Variants in PBX1 observed in about 807,000 individuals in gnomAD.
PBX1 encodes pre-B-cell leukemia transcription factor 1.
Under a neutral mutation model 53.4 loss-of-function variants are expected in PBX1, and 6 were observed. The ratio of observed to expected loss-of-function variants is 0.11; its 90% CI spans 0.06 to 0.22. The LOEUF (loss-of-function observed/expected upper bound fraction) is 0.22, where lower values mean the gene tolerates loss of function less well. Ranked by LOEUF, PBX1 falls within the 10% of genes least tolerant of loss-of-function variation. The probability of loss-of-function intolerance (pLI) is 1.00; values close to 1 mark genes in which losing one functional copy is unlikely to be tolerated. For missense variants in PBX1, 251 were observed against 551.4 expected (o/e 0.46, Z 5.46); for synonymous variants, 204 against 212.3 (o/e 0.96, Z 0.34).
chr1:164,866,708 A>G (rs1362681886), intron 2 of PBX1, among the ~76,000 whole-genome samples: 9 of 152,224 alleles, frequency 5.9e-5, no homozygotes, highest in African/African-American at 2.2e-4. Flanking sequence ...GTTGTTGATT[A>G]TTTTATTATC....
At chr1:164,624,182 A>G (rs1291267711) in intron 2 of PBX1, among the ~76,000 whole-genome samples, 2 of 152,214 alleles carry the variant, frequency 1.3e-5, no homozygotes, top group Non-Finnish European at 2.9e-5. Context: ...TCATACTGGT[A>G]TATCTTTGTT....
At chr1:164,640,556 G>GTTTTTTTTTTTTTTTTTTT (rs1272033438) in intron 2 of PBX1, among the ~76,000 whole-genome samples, 1 of 30,680 alleles carries the variant, frequency 3.3e-5, no homozygotes, top group African/African-American at 6.2e-5. Flanking sequence ...TTTTTTTTTT[G>GTTTTTTTTTTTTTTTTTTT]TGTTTTTTTT....
chr1:164,704,172 A>G (rs1663291601), intron 2 of PBX1, among the ~76,000 whole-genome samples: 2 of 152,236 alleles, frequency 1.3e-5, no homozygotes, highest in South Asian at 4.1e-4. Context: ...AAGGTGTCAT[A>G]TACAAGAAGG....
chr1:164,708,376 C>CT (rs972501394), intron 2 of PBX1, among the ~76,000 whole-genome samples: 225 of 22,902 alleles, frequency 9.8e-3, no homozygotes, highest in Non-Finnish European at 0.029. Context: ...CATATATAGT[C>CT]TTTTTTTAAA....
At chr1:164,688,349 A>T (rs1003548791) in intron 2 of PBX1, among the ~76,000 whole-genome samples, 1 of 152,214 alleles carries the variant, frequency 6.6e-6, no homozygotes, top group Non-Finnish European at 1.5e-5. Context: ...GTACAGATCA[A>T]TTACAACTTG....
chr1:164,611,753 C>T (rs1656949815), intron 2 of PBX1, among the ~76,000 whole-genome samples: 2 of 152,134 alleles, frequency 1.3e-5, no homozygotes, highest in Non-Finnish European at 2.9e-5. Context: ...GGGTGACATA[C>T]CCCACAGGAA....
At chr1:164,569,860 G>GT (rs1653724086) in intron 2 of PBX1, among the ~76,000 whole-genome samples, 1 of 152,078 alleles carries the variant, frequency 6.6e-6, no homozygotes, top group Admixed American at 6.6e-5. Context: ...GCCTGGCCCT[G>GT]TTTCCCTTGC....
rs570919771 is a variant in PBX1, at chr1:164,883,742, G to A, written n.258-15446G>A. Among the ~76,000 whole-genome samples the A allele has an allele frequency of 5.9e-5, 9 of 152,242 alleles. No homozygotes were observed. In the South Asian group the frequency reaches 1.7e-3, roughly 28 times the overall value. ...CACCTTCCCCTTCTGTAATGAATAG[G>A]AGTAATGCTTCATGTCTTTGAGCTC... On this transcript the variant is annotated intron_variant and non_coding_transcript_variant, in intron 2 of 2. Transcript: ENST00000558796.
chr1:164,578,936 G>T (rs1654433525), intron 2 of PBX1, among the ~76,000 whole-genome samples: 1 of 151,782 alleles, frequency 6.6e-6, no homozygotes, highest in Non-Finnish European at 1.5e-5. Flanking sequence ...CTCTACTGGG[G>T]CCTACCCACC....
At chr1:164,853,810 T>C (rs1226189424), downstream of PBX1, among the ~76,000 whole-genome samples, 2 of 152,078 alleles carry the variant, frequency 1.3e-5, no homozygotes, top group Admixed American at 6.5e-5. Context: ...AAAGTGTAGG[T>C]CTAACCCCTT....
At chr1:164,604,442 G>T (rs6683789) in intron 2 of PBX1, among the ~76,000 whole-genome samples, 9,801 of 152,174 alleles carry the variant, frequency 0.064, 829 homozygotes, top group East Asian at 0.39. Flanking sequence ...ATTCATTTGT[G>T]CATTCAGCAG....
intron 2 of PBX1, among the ~76,000 whole-genome samples, chr1:164,766,970 C>T (rs573977020): frequency 1.8e-4 from 28 of 151,834 alleles, no homozygotes; most frequent in African/African-American, 4.3e-4. Flanking sequence ...CCTCGTGATC[C>T]GCCCGCCTCA....
At chr1:164,811,959 A>C in intron 5 of PBX1, 31 bp from the exon 6 acceptor site, 2 of 1,583,166 alleles carry the variant, frequency 1.3e-6, no homozygotes, top group Non-Finnish European at 1.7e-6. Context: ...ATGAAATGTG[A>C]ACTTTCTCAT....
intron 8 of PBX1, among the ~76,000 whole-genome samples, chr1:164,844,373 CCTGT>C (rs924473550): frequency 2.6e-5 from 4 of 151,948 alleles, no homozygotes; most frequent in African/African-American, 7.2e-5. Flanking sequence ...TGCCTGCCTG[CCTGT>C]CTGTCTACCT....
At chr1:164,784,110 A>G (rs771560831) in intron 2 of PBX1, among the ~76,000 whole-genome samples, 2 of 152,174 alleles carry the variant, frequency 1.3e-5, no homozygotes, top group Non-Finnish European at 2.9e-5. Context: ...CAGGTCTCAC[A>G]CACCCTTCCC....
At chr1:164,870,232 T>TCCTTCCTA (rs1672322193) in intron 2 of PBX1, among the ~76,000 whole-genome samples, 1 of 43,568 alleles carries the variant, frequency 2.3e-5, no homozygotes, top group Non-Finnish European at 4.7e-5. Flanking sequence ...CTTCCTTCCT[T>TCCTTCCTA]CCTTCCTTCC....
intron 2 of PBX1, among the ~76,000 whole-genome samples, chr1:164,622,961 C>T (rs752250819): frequency 3.3e-5 from 5 of 151,814 alleles, no homozygotes; most frequent in African/African-American, 4.8e-5. Flanking sequence ...ACTACAGGCA[C>T]GTGCCACTAC....
At chr1:164,863,576 T>C (rs1672146118) in intron 2 of PBX1, among the ~76,000 whole-genome samples, 1 of 152,214 alleles carries the variant, frequency 6.6e-6, no homozygotes, top group Non-Finnish European at 1.5e-5. Context: ...TATGTGATCC[T>C]ATGAGAGCCT....
intron 2 of PBX1, among the ~76,000 whole-genome samples, chr1:164,737,956 T>G (rs958357735): frequency 2.0e-5 from 3 of 152,196 alleles, no homozygotes; most frequent in Admixed American, 2.0e-4. Context: ...TAAGCTCTTC[T>G]AGAATTTCAT....
Sources: allele counts gnomAD v4.1 joint callset (sites outside exome capture counted in the v4.1 genomes callset), GRCh38; gene constraint gnomAD v4.1.1; transcripts MANE v1.5; gene names NCBI Gene and HGNC (gene_info 2026-07-23, HGNC 2026-07-21).